Variants in GLDC observed in about 807,000 individuals in gnomAD.
GLDC encodes the protein glycine dehydrogenase (decarboxylating), mitochondrial.
Under a neutral mutation model 121.3 loss-of-function variants are expected in GLDC, and 104 were observed. The observed-to-expected ratio is 0.86, with a 90% confidence interval of 0.73 to 1.01. GLDC has a LOEUF of 1.01. Among genes scored for constraint, GLDC ranks in the 50% least tolerant of loss-of-function variants. The pLI is 0.00. For missense variants in GLDC, 1,429 were observed against 1,306.6 expected (o/e 1.09, Z -1.44); for synonymous variants, 546 against 480.6 (o/e 1.14, Z -1.78).
In GLDC at chr9:6,556,133, C is replaced by T. The variant is rs770620676; in HGVS notation, c.2202+20G>A. On this transcript the variant is annotated intron_variant, in intron 18 of 24. Transcript: ENST00000321612. ...CCATTTTCTCAGTGGGAACTAAGGG[C>T]GGGCCTCTTCAGTTCCCACCTGAGC... 4.5e-5 allele frequency: 72 copies of T among 1,596,848 alleles called. No homozygotes were observed. The highest frequency in any genetic ancestry group is 5.6e-5 in the Non-Finnish European group (65 of 1,166,180).
intron 2 of GLDC, among the ~76,000 whole-genome samples, chr9:6,626,581 C>G (rs1819242668): frequency 6.6e-6 from 1 of 152,096 alleles, no homozygotes; most frequent in African/African-American, 2.4e-5. Flanking sequence ...TTAAAAATTT[C>G]AAGTGTTTCA....
intron 21 of GLDC, among the ~76,000 whole-genome samples, chr9:6,545,629 C>A (rs142804687): frequency 6.6e-6 from 1 of 152,020 alleles, no homozygotes; most frequent in African/African-American, 2.4e-5. Context: ...AATAAATTAA[C>A]CTTAGCTTAC....
At chr9:6,584,354 T>C (rs559517604) in intron 15 of GLDC, among the ~76,000 whole-genome samples, 112 of 152,330 alleles carry the variant, frequency 7.4e-4, no homozygotes, top group African/African-American at 2.5e-3. Context: ...AAACCTGTGT[T>C]TCTTCTTACA....
At chr9:6,592,448 A>G (rs1818393605) in intron 10 of GLDC, among the ~76,000 whole-genome samples, 1 of 152,210 alleles carries the variant, frequency 6.6e-6, no homozygotes, top group African/African-American at 2.4e-5. Flanking sequence ...CTAACATTCC[A>G]TGGCTGCAGG....
At chr9:6,622,324 C>T (rs888513764) in intron 2 of GLDC, among the ~76,000 whole-genome samples, 1 of 151,494 alleles carries the variant, frequency 6.6e-6, no homozygotes, top group Non-Finnish European at 1.5e-5. Context: ...GCCATCTTGG[C>T]TCACTGCAAC....
chr9:6,629,988 C>G (rs931192719), intron 2 of GLDC, among the ~76,000 whole-genome samples: 2 of 79,760 alleles, frequency 2.5e-5, no homozygotes, highest in African/African-American at 7.1e-5. Context: ...CAAGGTCTCA[C>G]TATGTTTCCC....
intron 3 of GLDC, among the ~76,000 whole-genome samples, 166 bp downstream of exon 3, chr9:6,620,018 G>T (rs1051466957): frequency 6.6e-6 from 1 of 152,180 alleles, no homozygotes; most frequent in Admixed American, 6.5e-5. Context: ...ATTTGAGCAA[G>T]AACATTTCTC....
intron 21 of GLDC, chr9:6,541,288 G>A (rs1817252629): frequency 2.0e-5 from 3 of 151,984 alleles, no homozygotes; most frequent in Admixed American, 2.0e-4. Flanking sequence ...TATTCCTCCG[G>A]GGCTTCCCAA....
chr9:6,553,428 G>A lies in GLDC; in HGVS notation c.2397C>T (p.Thr799=), dbSNP rs778396953. Residue 799 remains threonine (T), a synonymous_variant, in exon 20 of 25, where the codon ACC becomes ACT. Transcript: ENST00000321612. ...KRNEDACPVG[T]VSAAPWGSSS... is the part of the protein sequence containing the mutation. The stretch of plus-strand genomic sequence containing the variant: ...TGGAGCCCCATGGGGCCGCACTGAC[G>A]GTTCCCACAGGACAGGCATCCTCAT... 68 of 1,613,442 alleles carry A rather than the reference G, an allele frequency of 4.2e-5. No individual in the cohort carries two copies. Among genetic ancestry groups the A allele is most frequent in the Non-Finnish European group, 4.8e-5 (57 of 1,179,524 alleles).
chr9:6,622,741 C>T (rs1033712889), intron 2 of GLDC: 1 of 208,064 alleles, frequency 4.8e-6, no homozygotes, highest in East Asian at 1.7e-4. Context: ...CCTGGCTGCC[C>T]AGTCTGGAAA....
chr9:6,633,939 C>A (rs1044164798), intron 2 of GLDC, among the ~76,000 whole-genome samples: 1 of 145,628 alleles, frequency 6.9e-6, no homozygotes, highest in African/African-American at 2.6e-5. Flanking sequence ...ACGCCATTCT[C>A]CTGCCTCAGC....
At chr9:6,605,786 C>G (rs973696193) in intron 5 of GLDC, 1 of 225,212 alleles carries the variant, frequency 4.4e-6, no homozygotes, top group Non-Finnish European at 8.9e-6. Flanking sequence ...AAATATCTAC[C>G]AATAGTGGTT....
chr9:6,637,838 A>T (rs948118627), intron 2 of GLDC, among the ~76,000 whole-genome samples: 3 of 151,244 alleles, frequency 2.0e-5, no homozygotes, highest in African/African-American at 7.3e-5. Flanking sequence ...TTATTTTAGG[A>T]CTCAACACAT....
At chr9:6,644,041 AAAAAAAAAACG>A (rs1819684617) in intron 2 of GLDC, among the ~76,000 whole-genome samples, 2 of 148,572 alleles carry the variant, frequency 1.3e-5, no homozygotes, top group African/African-American at 2.5e-5. Context: ...AAAAAAAAAA[AAAAAAAAAACG>A]AAAAAAAAAA....
chr9:6,588,731 C>T (rs374485735), intron 12 of GLDC, 29 bp from the exon 13 acceptor site: 6 of 1,443,542 alleles, frequency 4.2e-6, no homozygotes, highest in East Asian at 2.3e-5. Context: ...GAATTAGGGG[C>T]CCCAAAAGTA....
intron 16 of GLDC, among the ~76,000 whole-genome samples, chr9:6,562,411 T>C (rs1170419793): frequency 6.6e-6 from 1 of 152,156 alleles, no homozygotes; most frequent in Non-Finnish European, 1.5e-5. Context: ...CCACACTCCC[T>C]TTCAAAAAAG....
chr9:6,533,018 T>C lies in GLDC; in HGVS notation c.3062A>G (p.Ter1021TrpextTer11). ...PFSEQKRASS* is the reference protein window; with the variant it reads ...PFSEQKRASSW ...TCCTTTAAACTTAGGGACAGAGGAC[T>C]AAGAAGACGCCCTCTTTTGTTCAGA... Residue 1021 changes from the stop codon to tryptophan (W), a stop_lost, in exon 25 of 25, where the codon TAG (stop) becomes TGG (tryptophan). Transcript: ENST00000321612. 1 of 1,606,780 alleles carries C rather than the reference T, an allele frequency of 6.2e-7. No individual in the cohort carries two copies. Among genetic ancestry groups the C allele is most frequent in the Non-Finnish European group, 8.5e-7 (1 of 1,173,806 alleles).
At chr9:6,607,428 CA>C (rs1260119717) in intron 4 of GLDC, among the ~76,000 whole-genome samples, 2 of 151,750 alleles carry the variant, frequency 1.3e-5, no homozygotes, top group African/African-American at 4.8e-5. Context: ...ACTAAAACTA[CA>C]AAACGTAGCC....
chr9:6,629,941 A>ATGTATATATATATATATG (rs1563870159), intron 2 of GLDC, among the ~76,000 whole-genome samples: 1 of 71,060 alleles, frequency 1.4e-5, no homozygotes, highest in African/African-American at 1.0e-4. Flanking sequence ...ATATATATAT[A>ATGTATATATATATATATG]TATGTATATA....
Sources: allele counts gnomAD v4.1 joint callset (sites outside exome capture counted in the v4.1 genomes callset), GRCh38; gene constraint gnomAD v4.1.1; transcripts MANE v1.5; gene names NCBI Gene and HGNC (gene_info 2026-07-23, HGNC 2026-07-21).